Variants in ATL1 observed in about 807,000 individuals in gnomAD.
ATL1 encodes atlastin-1.
ATL1 carries 31 observed loss-of-function variants against 75.5 expected under a neutral mutation model. The ratio of observed to expected loss-of-function variants is 0.41; its 90% CI spans 0.31 to 0.55. The LOEUF is 0.55. Among genes scored for constraint, ATL1 ranks in the 20% least tolerant of loss-of-function variants. The pLI, the probability that ATL1 is intolerant of heterozygous loss-of-function variation, is 0.27. For missense variants in ATL1, 405 were observed against 662.6 expected (o/e 0.61, Z 4.27); for synonymous variants, 226 against 233.3 (o/e 0.97, Z 0.28).
chr14:50,621,724 T>C lies in ATL1; in HGVS notation c.991-119T>C, dbSNP rs932974610. On this transcript the variant is annotated intron_variant, in intron 9 of 13. Coordinates refer to ENST00000358385, the MANE Select transcript of ATL1 (RefSeq NM_015915.5). ...GAATTTAAGTATGAGAAAGATAAAA[T>C]AGTTATAAGTTCCTGAAAATATTTT... 1.1e-5 allele frequency: 8 copies of C among 703,820 alleles called. No individual in the cohort carries two copies. The African/African-American group carries it at 1.3e-4, about 11-fold the overall frequency. The allele number at this position is 703,820 out of a possible 1,614,324, so 43.6% of individuals were successfully genotyped here. A position where few individuals can be genotyped will look rare whatever the true frequency, so the allele number is the denominator to read the frequency against.
intron 1 of ATL1, among the ~76,000 whole-genome samples, chr14:50,554,121 TA>T: frequency 6.6e-6 from 1 of 151,132 alleles, no homozygotes; most frequent in Non-Finnish European, 1.5e-5. Context: ...TTTTTTTTTT[TA>T]ATCCACAAAA....
chr14:50,545,354 G>T (rs2038617662), intron 1 of ATL1, among the ~76,000 whole-genome samples: 1 of 152,056 alleles, frequency 6.6e-6, no homozygotes, highest in African/African-American at 2.4e-5. Flanking sequence ...TAAAATCCTG[G>T]GCTTTTCTTA....
rs553351223 is a variant in ATL1, at chr14:50,573,352, A to G, written c.34+13053A>G. On this transcript the variant is annotated intron_variant, in intron 1 of 13. Coordinates refer to ENST00000358385, the MANE Select transcript of ATL1 (RefSeq NM_015915.5). ...GGTAATGGAAATGTTTTGTGTCTGC[A>G]CTGTCCAATATGGTAGCCATTAGTC... is the stretch of plus-strand genomic sequence containing the variant. Among the ~76,000 whole-genome samples the G allele has an allele frequency of 3.3e-5, 5 of 152,302 alleles. No individual in the cohort carries two copies. In the South Asian group the frequency reaches 6.2e-4, roughly 19 times the overall value.
chr14:50,533,544 C>G (rs559445296), intron 1 of ATL1, among the ~76,000 whole-genome samples: 2 of 152,080 alleles, frequency 1.3e-5, no homozygotes, highest in Non-Finnish European at 2.9e-5. Flanking sequence ...AGTTTCAGTT[C>G]CAGTCTTGCT....
chr14:50,623,114 T>G (rs969840519), intron 10 of ATL1, 63 bp from the exon 11 acceptor site: 36 of 1,383,264 alleles, frequency 2.6e-5, no homozygotes, highest in Non-Finnish European at 3.4e-5. Context: ...AAATGTGAAC[T>G]GCCTGTGGAA....
In ATL1 at chr14:50,589,051, C is replaced by T. The variant is rs80129376; in HGVS notation, c.282+973C>T. ...ACATACCATAGATTTTGCACTTAGGCATCTCATGGTTTGGCCAAGGAGACA... is the reference window on the plus strand; with the variant it reads ...ACATACCATAGATTTTGCACTTAGGTATCTCATGGTTTGGCCAAGGAGACA... On this transcript the variant is annotated intron_variant, in intron 2 of 13. Coordinates refer to ENST00000358385, the MANE Select transcript of ATL1 (RefSeq NM_015915.5). Among the ~76,000 whole-genome samples the T allele has an allele frequency of 8.3e-3, 1,258 of 151,848 alleles. 15 individuals carry two copies. The highest frequency in any genetic ancestry group is 0.028 in the African/African-American group (1,179 of 41,378).
At chr14:50,588,720 C>T (rs576553504) in intron 2 of ATL1, among the ~76,000 whole-genome samples, 3 of 152,182 alleles carry the variant, frequency 2.0e-5, no homozygotes, top group African/African-American at 7.2e-5. Flanking sequence ...AACCCTGTCT[C>T]TACTAAAAAA....
At chr14:50,572,139 A>AGATCCG in intron 1 of ATL1, 1 of 410,192 alleles carries the variant, frequency 2.4e-6, no homozygotes, top group South Asian at 2.0e-5. Context: ...AGCTTTGCTC[A>AGATCCG]TGGTGTCTTT....
At chr14:50,565,795 A>C (rs115843848) in intron 1 of ATL1, among the ~76,000 whole-genome samples, 126 of 152,320 alleles carry the variant, frequency 8.3e-4, no homozygotes, top group African/African-American at 3.0e-3. Flanking sequence ...AGTAATAAAA[A>C]AAGATTTTAG....
At chr14:50,545,631 T>C (rs2038621746) in intron 1 of ATL1, among the ~76,000 whole-genome samples, 1 of 152,110 alleles carries the variant, frequency 6.6e-6, no homozygotes, top group African/African-American at 2.4e-5. Flanking sequence ...ACTGAGAAAT[T>C]GTTAAAGCAG....
rs117632036 is a variant in ATL1 at position 50,576,839 on chromosome 14, A to G, written c.35-10992A>G. Among the ~76,000 whole-genome samples, 61 of 152,234 alleles carry G rather than the reference A, an allele frequency of 4.0e-4. 1 individual carries two copies. The East Asian group carries it at 0.011, about 27-fold the overall frequency. On this transcript the variant is annotated intron_variant, in intron 1 of 13. Coordinates refer to ENST00000358385, the MANE Select transcript of ATL1 (RefSeq NM_015915.5). ...CGATCCTCCTGCCTCACCTTCCCAA[A>G]GTGCTGGGATTACAGATATGAGCCA...
intron 13 of ATL1, 160 bp from the exon 14 acceptor site, chr14:50,632,069 A>G: frequency 1.9e-6 from 1 of 527,438 alleles, no homozygotes; most frequent in Non-Finnish European, 3.4e-6. Flanking sequence ...TGAGGAGTTG[A>G]AAATACTTTT....
chr14:50,604,373 C>A (rs3015451), intron 6 of ATL1, among the ~76,000 whole-genome samples: 120,533 of 152,020 alleles, frequency 0.79, 48,500 homozygotes, highest in African/African-American at 0.93. Context: ...TTAAATTATA[C>A]ATGACTTATG....
intron 1 of ATL1, among the ~76,000 whole-genome samples, chr14:50,536,874 A>G (rs903432952): frequency 2.6e-5 from 4 of 152,258 alleles, no homozygotes; most frequent in African/African-American, 9.6e-5. Flanking sequence ...AAAAGCATTC[A>G]GTCTTATAAG....
chr14:50,553,266 G>A (rs1281989988), intron 1 of ATL1, among the ~76,000 whole-genome samples: 3 of 133,164 alleles, frequency 2.3e-5, no homozygotes, highest in Non-Finnish European at 5.0e-5. Flanking sequence ...GCAAGACTCC[G>A]TTTCAAAAAA....
intron 5 of ATL1, among the ~76,000 whole-genome samples, chr14:50,595,067 C>A (rs1334133782): frequency 6.6e-6 from 1 of 151,712 alleles, no homozygotes; most frequent in East Asian, 1.9e-4. Context: ...AAAGGACTCT[C>A]CATTTCTTAA....
intron 1 of ATL1, among the ~76,000 whole-genome samples, chr14:50,569,229 GCATGCCTGTAGCCC>G (rs887236076): frequency 2.6e-5 from 4 of 151,876 alleles, no homozygotes; most frequent in African/African-American, 9.7e-5. Context: ...GTGTGGTGGT[GCATGCCTGTAGCCC>G]CAGCTACTCC....
At chr14:50,555,323 C>A (rs1030252977), upstream of ATL1, among the ~76,000 whole-genome samples, 28 of 152,278 alleles carry the variant, frequency 1.8e-4, no homozygotes, top group Non-Finnish European at 3.8e-4. Flanking sequence ...GCTCTGTCAC[C>A]CAGGCTGGAG....
At chr14:50,581,338 C>T (rs1394484188) in intron 1 of ATL1, among the ~76,000 whole-genome samples, 3 of 151,316 alleles carry the variant, frequency 2.0e-5, no homozygotes, top group South Asian at 2.1e-4. Context: ...TAAGATACTA[C>T]GACCTAACAT....
Sources: allele counts gnomAD v4.1 joint callset (sites outside exome capture counted in the v4.1 genomes callset), GRCh38; gene constraint gnomAD v4.1.1; transcripts MANE v1.5; gene names NCBI Gene and HGNC (gene_info 2026-07-23, HGNC 2026-07-21).